Variants in CELF2 observed in about 807,000 individuals in gnomAD.
CELF2 encodes CUGBP Elav-like family member 2.
CELF2 carries 8 observed loss-of-function variants against 62.6 expected under a neutral mutation model. The ratio of observed to expected loss-of-function variants is 0.13; its 90% CI spans 0.07 to 0.23. CELF2 has a LOEUF of 0.23. Ranked by LOEUF, CELF2 falls within the 10% of genes least tolerant of loss-of-function variation. CELF2 has a pLI of 1.00. For synonymous variants in CELF2, 258 were observed against 250.0 expected, an observed-to-expected ratio of 1.03 and a Z score of -0.30; for missense variants, 333 against 671.0, an observed-to-expected ratio of 0.50 and a Z score of 5.56.
chr10:10,521,632 C>T, the CELF2 span, among the ~76,000 whole-genome samples: 6 of 152,110 alleles, frequency 3.9e-5, no homozygotes, highest in South Asian at 2.1e-4. Flanking sequence ...TCATGTAACT[C>T]GTCTGAAGTG....
At position 11,178,935 on chromosome 10, in the gene CELF2, G is replaced by T. The variant is rs766420433; in HGVS notation, c.271+13253G>T. Among the ~76,000 whole-genome samples, 7 of 152,192 alleles carry T rather than the reference G, an allele frequency of 4.6e-5. No homozygotes were observed. Among genetic ancestry groups the T allele is most frequent in the African/African-American group, 7.2e-5 (3 of 41,432 alleles). On this transcript the variant is annotated intron_variant, in intron 2 of 12. Coordinates refer to ENST00000633077, the MANE Select transcript of CELF2 (RefSeq NM_001326342.2). This position sits in a 1 kb window ranked among gnomAD's most constrained non-coding sequence, Gnocchi z 4.3. ...TATTTTTAGAACACTTCAAAGTCAG[G>T]AAACCGTTAAACCACACTGCATCCT...
chr10:11,011,657 T>C lies in CELF2; in HGVS notation c.53+6217T>C, dbSNP rs886974233. 7.5e-6 allele frequency among the ~76,000 whole-genome samples: 1 copy of C among 133,956 alleles called. No homozygotes were observed. The highest frequency in any genetic ancestry group is 1.5e-5 in the Non-Finnish European group (1 of 67,212). The allele number at this position is 133,956 out of a possible 152,430, so 87.9% of individuals were successfully genotyped here. ...TCACATGACACTTTGTACTCAGCGA[T>C]AGTGGTAGGACAAGATAGAACATAC... On this transcript the variant is annotated intron_variant, in intron 1 of 12. Coordinates refer to the CELF2 transcript ENST00000416382. This position sits in a 1 kb window ranked among gnomAD's most constrained non-coding sequence, Gnocchi z 4.6.
At chr10:10,599,248 C>T in the CELF2 span, among the ~76,000 whole-genome samples, 16 of 152,220 alleles carry the variant, frequency 1.1e-4, no homozygotes, top group African/African-American at 2.6e-4. Context: ...TTTGGCTCCA[C>T]TTCTTATAAA....
chr10:10,959,587 G>C (rs757940909), intron 2 of CELF2, among the ~76,000 whole-genome samples: 16 of 152,188 alleles, frequency 1.1e-4, no homozygotes, highest in Non-Finnish European at 2.1e-4. Flanking sequence ...AACATGGATG[G>C]CAGGGATGTT....
At chr10:10,942,396 G>A (rs557384751) in intron 2 of CELF2, among the ~76,000 whole-genome samples, 3 of 152,282 alleles carry the variant, frequency 2.0e-5, no homozygotes, top group African/African-American at 7.2e-5. Flanking sequence ...GCTCATTTGT[G>A]TAGTTGTTGG....
intron 1 of CELF2, among the ~76,000 whole-genome samples, chr10:11,068,110 C>A (rs981140989): frequency 1.3e-5 from 2 of 152,222 alleles, no homozygotes; most frequent in African/African-American, 4.8e-5. Context: ...AATTTAGACT[C>A]ATTTTCCCAG....
At chr10:10,843,750 G>A (rs927467635) in intron 1 of CELF2, among the ~76,000 whole-genome samples, 46 of 152,038 alleles carry the variant, frequency 3.0e-4, no homozygotes, top group African/African-American at 9.9e-4. Context: ...CTGATAGAAG[G>A]GTATTAAAGC....
intron 1 of CELF2, among the ~76,000 whole-genome samples, chr10:10,847,599 C>T (rs893858346): frequency 9.2e-5 from 14 of 152,184 alleles, no homozygotes; most frequent in African/African-American, 2.2e-4. Context: ...GCCTGAAAAG[C>T]GTCATTGCAG....
chr10:10,528,962 C>T, the CELF2 span, among the ~76,000 whole-genome samples: 9 of 152,286 alleles, frequency 5.9e-5, no homozygotes, highest in East Asian at 1.7e-3. Flanking sequence ...ATGTAAAAAG[C>T]AGCTCTTATT....
At chr10:10,804,723 G>A (rs934850780) in intron 1 of CELF2, among the ~76,000 whole-genome samples, 1 of 152,194 alleles carries the variant, frequency 6.6e-6, no homozygotes, top group African/African-American at 2.4e-5. Context: ...AGCACACGTT[G>A]ATGGGAAACA....
the CELF2 span, among the ~76,000 whole-genome samples, chr10:10,611,151 G>A: frequency 1.3e-5 from 2 of 152,072 alleles, no homozygotes; most frequent in South Asian, 2.1e-4. Flanking sequence ...TGTGTGGGTG[G>A]GAAAGAACTG....
intron 2 of CELF2, among the ~76,000 whole-genome samples, chr10:10,923,416 C>T (rs2065109275): frequency 6.6e-6 from 1 of 152,142 alleles, no homozygotes; most frequent in African/African-American, 2.4e-5. Flanking sequence ...AATTACCTTA[C>T]GTGGTACTAA....
Position 11,165,430 on chromosome 10 carries a change from C to T in CELF2, c.75-56C>T, listed in dbSNP as rs780944304. ...CGCTCCCCCACCCCCACTATTTTTT[C>T]TTCCTGTCCCTCATCGTGCCGCCCT... On this transcript the variant is annotated intron_variant, in intron 1 of 12. Coordinates refer to ENST00000633077, the MANE Select transcript of CELF2 (RefSeq NM_001326342.2). This position sits in a 1 kb window ranked among gnomAD's most constrained non-coding sequence, Gnocchi z 7.4. 2.1e-5 allele frequency: 31 copies of T among 1,447,008 alleles called. No homozygotes were observed. Among genetic ancestry groups the T allele is most frequent in the Admixed American group, 4.0e-5 (2 of 49,436 alleles). The allele number at this position is 1,447,008 out of a possible 1,614,324, so 89.6% of individuals were successfully genotyped here.
intron 1 of CELF2, among the ~76,000 whole-genome samples, chr10:10,834,218 C>T (rs1303699348): frequency 6.6e-6 from 1 of 152,114 alleles, no homozygotes; most frequent in African/African-American, 2.4e-5. Flanking sequence ...AACAGAAAAC[C>T]AAATACTGCG....
At chr10:10,760,630 G>T in the CELF2 span, among the ~76,000 whole-genome samples, 1 of 152,186 alleles carries the variant, frequency 6.6e-6, no homozygotes, top group Non-Finnish European at 1.5e-5. Flanking sequence ...AGCCTGCAAT[G>T]AGGATACATG....
At chr10:10,613,080 T>C in the CELF2 span, among the ~76,000 whole-genome samples, 3 of 152,172 alleles carry the variant, frequency 2.0e-5, no homozygotes, top group African/African-American at 7.2e-5. Context: ...GGTGTAAGCA[T>C]TGGAAATCAA....
At chr10:10,474,610 TAAA>T in the CELF2 span, among the ~76,000 whole-genome samples, 1 of 152,062 alleles carries the variant, frequency 6.6e-6, no homozygotes, top group Non-Finnish European at 1.5e-5. Context: ...GACAACCATG[TAAA>T]ATTGGAAAAA....
At chr10:10,520,621 G>A in the CELF2 span, among the ~76,000 whole-genome samples, 324 of 152,224 alleles carry the variant, frequency 2.1e-3, 2 homozygotes, top group African/African-American at 7.5e-3. Flanking sequence ...TAGGGCAGGC[G>A]TAATAGGGGA....
chr10:10,965,094 G>A (rs895732649), intron 2 of CELF2, among the ~76,000 whole-genome samples: 31 of 152,026 alleles, frequency 2.0e-4, no homozygotes, highest in Admixed American at 4.6e-4. Context: ...TTTCCCTCTC[G>A]TTTCTCATTT....
Sources: gnomAD v4.1 joint callset for allele counts (sites outside exome capture counted in the v4.1 genomes callset) on GRCh38, gnomAD v4.1.1 for gene constraint, Gnocchi (gnomAD v3.1) non-coding constraint, MANE v1.5 for transcripts, NCBI Gene and HGNC (gene_info 2026-07-23, HGNC 2026-07-21) for gene names.